The following VSTM2A variants were observed in gnomAD, a reference collection of about 807,000 sequenced individuals.
VSTM2A encodes the protein V-set and transmembrane domain-containing protein 2A.
VSTM2A carries 13 observed loss-of-function variants against 27.3 expected under a neutral mutation model. The ratio of observed to expected loss-of-function variants is 0.48; its 90% CI spans 0.31 to 0.76. The LOEUF is 0.76. Ranked by LOEUF, VSTM2A falls within the 30% of genes least tolerant of loss-of-function variation. The pLI is 0.05. For missense variants in VSTM2A, 280 were observed against 310.0 expected (o/e 0.90, Z 0.73); for synonymous variants, 142 against 125.7 (o/e 1.13, Z -0.87).
At position 54,546,840 on chromosome 7, in the gene VSTM2A, C is replaced by G. The variant is rs1788009777; in HGVS notation, c.247-107C>G. 9 of 1,480,692 alleles carry G rather than the reference C, an allele frequency of 6.1e-6. No individual in the cohort carries two copies. In the Admixed American group the frequency reaches 7.8e-5, roughly 13 times the overall value. 91.7% of individuals were successfully genotyped at this position (1,480,692 alleles called of 1,614,324 possible). A position where few individuals can be genotyped will look rare whatever the true frequency, so the allele number is the denominator to read the frequency against. On this transcript the variant is annotated intron_variant, in intron 2 of 4. Transcript: ENST00000402613. ...ACGCCCCTGGTCGCTCCCCTGTCCC[C>G]AGGTCACCCTGACGGCCCTGCCCGG...
chr7:54,543,040 G>A (rs894822699), intron 1 of VSTM2A, among the ~76,000 whole-genome samples: 4 of 152,118 alleles, frequency 2.6e-5, no homozygotes, highest in African/African-American at 4.8e-5. Context: ...GCTCCTCGGT[G>A]AGCACAAACA....
At chr7:54,567,071 T>A (rs559062248) in intron 4 of VSTM2A, among the ~76,000 whole-genome samples, 27 of 152,260 alleles carry the variant, frequency 1.8e-4, no homozygotes, top group Admixed American at 9.2e-4. Context: ...CCTACAAAGA[T>A]GAAGTACATA....
At chr7:54,553,910 T>A in intron 4 of VSTM2A, 1 of 1,551,210 alleles carries the variant, frequency 6.4e-7, no homozygotes, top group Non-Finnish European at 8.7e-7. Flanking sequence ...ACAGACCACC[T>A]CTACTAGTCC....
intron 4 of VSTM2A, among the ~76,000 whole-genome samples, chr7:54,561,680 A>G (rs1788566582): frequency 6.6e-6 from 1 of 152,214 alleles, no homozygotes; most frequent in Non-Finnish European, 1.5e-5. Flanking sequence ...AAGATAATTA[A>G]TAAAGCATTC....
intron 4 of VSTM2A, among the ~76,000 whole-genome samples, chr7:54,565,493 T>C (rs1053909878): frequency 2.6e-5 from 4 of 151,902 alleles, no homozygotes; most frequent in African/African-American, 7.3e-5. Context: ...CAGACGGAGG[T>C]CTAAACTAAA....
At position 54,560,679 on chromosome 7, in the gene VSTM2A, G is replaced by T. The variant is rs368415516; in HGVS notation, c.635-8452G>T. On this transcript the variant is annotated intron_variant, in intron 4 of 4. Transcript: ENST00000402613. The stretch of plus-strand genomic sequence containing the variant: ...GGTATAAAACATACCTAATATAGGT[G>T]AAACAGTGCTTGAATTAAAGCAAAT... Among the ~76,000 whole-genome samples the T allele has an allele frequency of 5.9e-5, 9 of 152,136 alleles. No individual in the cohort carries two copies. The East Asian group carries it at 1.3e-3, about 23-fold the overall frequency.
chr7:54,556,795 T>C (rs1562711351), intron 4 of VSTM2A, among the ~76,000 whole-genome samples: 1 of 152,220 alleles, frequency 6.6e-6, no homozygotes, highest in Non-Finnish European at 1.5e-5. Context: ...ATTTTACTCA[T>C]TGAAGTTCAG....
At chr7:54,550,443 T>C in intron 4 of VSTM2A, 1 of 739,422 alleles carries the variant, frequency 1.4e-6, no homozygotes, top group Non-Finnish European at 2.0e-6. Context: ...TATTTACACA[T>C]TATAAGAACA....
chr7:54,555,534 C>T (rs1788327587), intron 4 of VSTM2A, among the ~76,000 whole-genome samples: 1 of 152,162 alleles, frequency 6.6e-6, no homozygotes, highest in African/African-American at 2.4e-5. Context: ...TTCTCCTTTT[C>T]TCTTAGTCAG....
At chr7:54,554,988 C>T (rs1236909241) in intron 4 of VSTM2A, among the ~76,000 whole-genome samples, 1 of 152,212 alleles carries the variant, frequency 6.6e-6, no homozygotes, top group Non-Finnish European at 1.5e-5. Flanking sequence ...CTGAATTTAT[C>T]TTAGCTTTCT....
At chr7:54,544,991 G>A (rs1480942377) in intron 2 of VSTM2A, among the ~76,000 whole-genome samples, 1 of 152,198 alleles carries the variant, frequency 6.6e-6, no homozygotes, top group African/African-American at 2.4e-5. Flanking sequence ...AGGAAGTCCT[G>A]CTGCCCAGTT....
At chr7:54,546,560 C>CG (rs1554330509) in intron 2 of VSTM2A, 2 of 146,058 alleles carry the variant, frequency 1.4e-5, no homozygotes, top group Non-Finnish European at 2.8e-5. Context: ...TGGCGCCCCC[C>CG]CGCCTGCCCG....
At chr7:54,545,716 A>G (rs111066319) in intron 2 of VSTM2A, among the ~76,000 whole-genome samples, 3,946 of 90,414 alleles carry the variant, frequency 0.044, 107 homozygotes, top group Admixed American at 0.08. Context: ...AAAGAGAGAG[A>G]GGGAAGGGGA....
chr7:54,546,604 G>C (rs532927684), intron 2 of VSTM2A: 2 of 148,494 alleles, frequency 1.3e-5, no homozygotes, highest in African/African-American at 2.5e-5. Context: ...GCGTCCGCAC[G>C]GGTCAACCCG....
intron 2 of VSTM2A, among the ~76,000 whole-genome samples, chr7:54,545,146 C>G (rs1562703864): frequency 2.0e-5 from 3 of 151,810 alleles, no homozygotes; most frequent in African/African-American, 7.2e-5. Context: ...AATCGGTGGG[C>G]GGCCTCCACC....
intron 1 of VSTM2A, 142 bp from the exon 2 acceptor site, chr7:54,544,480 G>A: frequency 6.0e-6 from 6 of 999,914 alleles, no homozygotes; most frequent in Non-Finnish European, 6.1e-6. Flanking sequence ...GAAGGGGGCT[G>A]GGGGAACCAG....
intron 1 of VSTM2A, among the ~76,000 whole-genome samples, 177 bp from the exon 2 acceptor site, chr7:54,544,445 A>T (rs889351732): frequency 6.6e-6 from 1 of 152,218 alleles, no homozygotes; most frequent in Non-Finnish European, 1.5e-5. Flanking sequence ...TATGATACCA[A>T]AAGTTAGACA....
intron 4 of VSTM2A, among the ~76,000 whole-genome samples, chr7:54,561,294 G>A (rs920132631): frequency 3.9e-5 from 6 of 152,092 alleles, no homozygotes; most frequent in South Asian, 4.1e-4. Flanking sequence ...AGAAAGTTAC[G>A]TTTTGGTTTA....
chr7:54,555,278 G>A (rs1788318939), intron 4 of VSTM2A, among the ~76,000 whole-genome samples: 1 of 152,182 alleles, frequency 6.6e-6, no homozygotes, highest in African/African-American at 2.4e-5. Flanking sequence ...TAATACAAGG[G>A]ACGTATCACA....
Sources: gnomAD v4.1 joint callset for allele counts (sites outside exome capture counted in the v4.1 genomes callset) on GRCh38, gnomAD v4.1.1 for gene constraint, MANE v1.5 for transcripts, NCBI Gene and HGNC (gene_info 2026-07-23, HGNC 2026-07-21) for gene names.